TRPV1: variants seen among roughly 807,000 people sequenced by gnomAD.
TRPV1 encodes transient receptor potential cation channel subfamily V member 1.
Under a neutral mutation model 82.3 loss-of-function variants are expected in TRPV1, and 82 were observed. That is an observed-to-expected ratio of 1.00 (90% CI 0.83 to 1.20). The LOEUF (loss-of-function observed/expected upper bound fraction) is 1.20, where lower values mean the gene tolerates loss of function less well. TRPV1 is among the 50% of genes most tolerant of loss of function. The pLI is 0.00. For missense variants in TRPV1, 1,067 were observed against 1,096.8 expected, an observed-to-expected ratio of 0.97 and a Z score of 0.38; for synonymous variants, 515 against 467.7, an observed-to-expected ratio of 1.10 and a Z score of -1.30.
At chr17:3,581,455 A>G (rs2075008819) in intron 10 of TRPV1, among the ~76,000 whole-genome samples, 1 of 152,180 alleles carries the variant, frequency 6.6e-6, no homozygotes, top group Non-Finnish European at 1.5e-5. Context: ...ACTTTACTGT[A>G]ATGTAAACCA....
intron 2 of TRPV1, among the ~76,000 whole-genome samples, chr17:3,601,532 G>A (rs1297821069): frequency 6.6e-6 from 1 of 151,408 alleles, no homozygotes; most frequent in Non-Finnish European, 1.5e-5. Context: ...ATCTTCAAGT[G>A]CGAGGTGAGC....
chr17:3,580,470 T>C lies in TRPV1; in HGVS notation c.1534A>G (p.Ser512Gly), dbSNP rs770999796. Residue 512 changes from serine to glycine, a missense_variant, in exon 11 of 17, where the codon AGT becomes GGT. By Grantham distance (56) the Ser-to-Gly change is moderately conservative. Transcript: ENST00000572705. ...SMKTLFVDSY[S>G]EMLFFLQSLF... ...AGTGTCACTTACAAAAGCATCTCAC[T>C]GTAGCTGTCCACAAACAGGGTCTTC... 1.9e-6 allele frequency: 3 copies of C among 1,614,044 alleles called. No individual in the cohort carries two copies. In the Admixed American group the frequency reaches 5.0e-5, roughly 27 times the overall value.
In TRPV1 at chr17:3,577,643, G is replaced by A; in HGVS notation, c.1668C>T (p.Thr556=). 4 of 1,585,508 alleles carry A rather than the reference G, an allele frequency of 2.5e-6. No individual in the cohort carries two copies. The highest frequency in any genetic ancestry group is 1.7e-4 in the Middle Eastern group (1 of 6,042). The change falls in exon 12 of 17, where the codon ACC becomes ACT. Residue 556 remains threonine (T), a synonymous_variant. Transcript: ENST00000572705. The stretch of plus-strand genomic sequence containing the variant: ...AGATGCCCATCTGCTGGAAACCGCG[G>A]GTGTAGTAGAGCATGTTGGTCCAGC... ...ALGWTNMLYY[T]RGFQQMGIYA... is the part of the protein sequence containing the mutation.
At chr17:3,591,474 T>C in intron 3 of TRPV1, 121 bp from the exon 4 acceptor site, 1 of 1,175,208 alleles carries the variant, frequency 8.5e-7, no homozygotes, top group Non-Finnish European at 1.2e-6. Flanking sequence ...AAAAATGATA[T>C]AAAAGCTGCC....
intron 9 of TRPV1, among the ~76,000 whole-genome samples, chr17:3,583,746 G>T (rs2075049777): frequency 6.6e-6 from 1 of 152,186 alleles, no homozygotes; most frequent in South Asian, 2.1e-4. Context: ...ATGGAGAGGT[G>T]GAAGCACTCT....
At chr17:3,575,729 C>T (rs991838245) in intron 13 of TRPV1, among the ~76,000 whole-genome samples, 7 of 152,150 alleles carry the variant, frequency 4.6e-5, no homozygotes, top group Non-Finnish European at 8.8e-5. Flanking sequence ...GTGAGACGGA[C>T]ATCATGTGAC....
chr17:3,584,570 G>A (rs900093239), intron 9 of TRPV1, among the ~76,000 whole-genome samples: 9 of 152,116 alleles, frequency 5.9e-5, no homozygotes, highest in Admixed American at 5.9e-4. Flanking sequence ...GCCGAGGCAG[G>A]CGATCACTTG....
At chr17:3,577,961 G>A in intron 11 of TRPV1, 198 bp from the exon 12 acceptor site, 1 of 563,570 alleles carries the variant, frequency 1.8e-6, no homozygotes, top group Non-Finnish European at 3.2e-6. Flanking sequence ...TTGGCTTGGT[G>A]AGGAGCTGTG....
At chr17:3,571,059 C>T (rs148234481) in intron 16 of TRPV1, among the ~76,000 whole-genome samples, 6 of 152,294 alleles carry the variant, frequency 3.9e-5, no homozygotes, top group Non-Finnish European at 7.4e-5. Context: ...TTCTTCTTCT[C>T]ACCCTCCCCT....
intron 15 of TRPV1, 34 bp downstream of exon 15, chr17:3,572,088 C>T: frequency 6.2e-7 from 1 of 1,606,046 alleles, no homozygotes; most frequent in Non-Finnish European, 8.5e-7. Flanking sequence ...CCCAAAGCTC[C>T]CAAGCCCTGA....
At chr17:3,569,231 C>T (rs1444072294) in intron 16 of TRPV1, among the ~76,000 whole-genome samples, 2 of 151,870 alleles carry the variant, frequency 1.3e-5, no homozygotes, top group African/African-American at 2.4e-5. Context: ...CAAACCTGCA[C>T]GTTGTGCACA....
intron 8 of TRPV1, among the ~76,000 whole-genome samples, chr17:3,587,451 C>G (rs1294738598): frequency 6.6e-6 from 1 of 152,182 alleles, no homozygotes; most frequent in Non-Finnish European, 1.5e-5. Flanking sequence ...GGATGGATTA[C>G]TCACTACGTA....
intron 16 of TRPV1, among the ~76,000 whole-genome samples, chr17:3,568,897 C>A (rs1233762362): frequency 6.6e-6 from 1 of 152,114 alleles, no homozygotes; most frequent in African/African-American, 2.4e-5. Flanking sequence ...CAAAAATTAG[C>A]CAGGTGTACA....
intron 11 of TRPV1, among the ~76,000 whole-genome samples, chr17:3,579,462 G>A (rs2074976697): frequency 6.6e-6 from 1 of 151,936 alleles, no homozygotes; most frequent in South Asian, 2.1e-4. Flanking sequence ...GAGGTTTCCT[G>A]CCACATCCAC....
chr17:3,594,554 C>T (rs189007482), intron 2 of TRPV1, among the ~76,000 whole-genome samples: 3 of 152,326 alleles, frequency 2.0e-5, no homozygotes, highest in African/African-American at 7.2e-5. Context: ...TGGCTACTGG[C>T]CATCTCCCTG....
At chr17:3,584,060 C>T (rs1191240733) in intron 9 of TRPV1, among the ~76,000 whole-genome samples, 1 of 151,850 alleles carries the variant, frequency 6.6e-6, no homozygotes, top group Non-Finnish European at 1.5e-5. Context: ...CACCTGAGGT[C>T]GAGAGTTCGA....
chr17:3,570,236 G>T (rs2074834415), intron 16 of TRPV1, among the ~76,000 whole-genome samples: 1 of 152,050 alleles, frequency 6.6e-6, no homozygotes, highest in Admixed American at 6.6e-5. Flanking sequence ...CGGGCGTGGT[G>T]GCAGGCACCT....
Position 3,566,735 on chromosome 17 carries a change from A to ACTG in TRPV1, c.*77_*79dup. The ACTG allele has an allele frequency of 6.6e-7, 1 of 1,525,958 alleles. No homozygotes were observed. The highest frequency in any genetic ancestry group is 8.9e-7 in the Non-Finnish European group (1 of 1,124,878). The allele number at this position is 1,525,958 out of a possible 1,614,324, so 94.5% of individuals were successfully genotyped here. On this transcript the variant is annotated 3_prime_UTR_variant, in exon 17 of 17. Coordinates refer to ENST00000572705, the MANE Select transcript of TRPV1 (RefSeq NM_080704.4). ...GACCAGGCCAGGCTGCTGACAGAGC[A>ACTG]CTGGTGTTCCCTCAGCAGCCCCCCG...
intron 15 of TRPV1, 117 bp downstream of exon 15, chr17:3,572,005 T>C (rs1008092774): frequency 1.5e-6 from 2 of 1,363,876 alleles, no homozygotes; most frequent in Non-Finnish European, 1.0e-6. Flanking sequence ...CAGCTGGCAT[T>C]GGGAGAGCCC....
Sources: gnomAD v4.1 joint callset for allele counts (sites outside exome capture counted in the v4.1 genomes callset) on GRCh38, gnomAD v4.1.1 for gene constraint, MANE v1.5 for transcripts, NCBI Gene and HGNC (gene_info 2026-07-23, HGNC 2026-07-21) for gene names.